Variants in LYPD1 observed in about 807,000 individuals in gnomAD.
The protein encoded by LYPD1 is ly6/PLAUR domain-containing protein 1.
A neutral mutation model predicts 14.2 loss-of-function variants in LYPD1; 14 were observed. That is an observed-to-expected ratio of 0.99 (90% confidence interval 0.65 to 1.54). The LOEUF (loss-of-function observed/expected upper bound fraction) is 1.54. LYPD1 is among the 40% of genes most tolerant of loss of function. The pLI is 0.00. For missense variants in LYPD1, 165 were observed against 175.7 expected, an observed-to-expected ratio of 0.94 and a Z score of 0.34; for synonymous variants, 85 against 70.6, an observed-to-expected ratio of 1.20 and a Z score of -1.02.
chr2:132,648,249 AAG>A (rs1682210960), intron 2 of LYPD1, among the ~76,000 whole-genome samples: 3 of 151,596 alleles, frequency 2.0e-5, no homozygotes, highest in Admixed American at 6.6e-5. Context: ...TTTTTTCTTT[AAG>A]TGAATTTTTA....
chr2:132,649,805 A>C lies in LYPD1; in HGVS notation c.191-3525T>G, dbSNP rs183085289. On this transcript the variant is annotated intron_variant, in intron 2 of 2. Coordinates refer to ENST00000397463, the MANE Select transcript of LYPD1 (RefSeq NM_144586.7). ...ATTCACATGCTTAGGATAAATTCCAAGTAGATCTAAGATTTAAATGTTGGG... is the reference window on the plus strand; with the variant it reads ...ATTCACATGCTTAGGATAAATTCCACGTAGATCTAAGATTTAAATGTTGGG... Among the ~76,000 whole-genome samples, 30 of 152,326 alleles carry C rather than the reference A, an allele frequency of 2.0e-4. No individual in the cohort carries two copies. In the Middle Eastern group the frequency reaches 0.01, roughly 52 times the overall value.
chr2:132,662,737 G>A lies in LYPD1; in HGVS notation c.190+5663C>T, dbSNP rs541428015. Reference sequence around the variant, plus strand: ...ATGGTATGTTTTGTTTTCATACTTCGTTTCATTTTCACTTGGGAAAAATGC... The same window carrying A: ...ATGGTATGTTTTGTTTTCATACTTCATTTCATTTTCACTTGGGAAAAATGC... On this transcript the variant is annotated intron_variant, in intron 2 of 2. Coordinates refer to ENST00000397463, the MANE Select transcript of LYPD1 (RefSeq NM_144586.7). Among the ~76,000 whole-genome samples the A allele has an allele frequency of 7.9e-5, 12 of 152,172 alleles. No homozygotes were observed. The South Asian group carries it at 1.5e-3, about 18-fold the overall frequency.
chr2:132,657,261 G>A (rs1360384244), intron 2 of LYPD1, among the ~76,000 whole-genome samples: 2 of 152,200 alleles, frequency 1.3e-5, no homozygotes, highest in Non-Finnish European at 2.9e-5. Context: ...CTTTCTGAGG[G>A]AGGAAGGTTT....
intron 2 of LYPD1, among the ~76,000 whole-genome samples, chr2:132,653,410 A>G (rs1293225577): frequency 6.6e-6 from 1 of 152,248 alleles, no homozygotes; most frequent in Non-Finnish European, 1.5e-5. Flanking sequence ...CCATCCAATC[A>G]GGTAAATACC....
At chr2:132,660,213 T>C (rs944633608) in intron 2 of LYPD1, among the ~76,000 whole-genome samples, 1 of 152,208 alleles carries the variant, frequency 6.6e-6, no homozygotes, top group Non-Finnish European at 1.5e-5. Flanking sequence ...TTCCTTAAAA[T>C]AATACAACTT....
At chr2:132,656,505 T>A (rs2104910665) in intron 2 of LYPD1, among the ~76,000 whole-genome samples, 1 of 151,936 alleles carries the variant, frequency 6.6e-6, no homozygotes, top group South Asian at 2.1e-4. Context: ...AGAAAAAAGA[T>A]CTTCGATCTG....
intron 2 of LYPD1, among the ~76,000 whole-genome samples, chr2:132,647,155 T>C (rs1682142051): frequency 6.6e-6 from 1 of 152,194 alleles, no homozygotes; most frequent in Admixed American, 6.5e-5. Flanking sequence ...CCTTAGCGTG[T>C]CAGCTTCTTC....
intron 2 of LYPD1, among the ~76,000 whole-genome samples, chr2:132,667,492 G>A (rs564772403): frequency 6.6e-6 from 1 of 152,122 alleles, no homozygotes; most frequent in Non-Finnish European, 1.5e-5. Context: ...TCACTTCACC[G>A]GGCTCTGCAG....
intron 2 of LYPD1, among the ~76,000 whole-genome samples, chr2:132,662,376 A>G (rs915376821): frequency 6.6e-6 from 1 of 152,224 alleles, no homozygotes; most frequent in Non-Finnish European, 1.5e-5. Context: ...AGCCCCTGGG[A>G]TATTAAGTAA....
At chr2:132,659,989 G>A (rs917454635) in intron 2 of LYPD1, among the ~76,000 whole-genome samples, 3 of 152,202 alleles carry the variant, frequency 2.0e-5, no homozygotes, top group Non-Finnish European at 2.9e-5. Flanking sequence ...TCCGTGGAGG[G>A]CATTGCAAAC....
chr2:132,652,345 G>A (rs937025234), intron 2 of LYPD1, among the ~76,000 whole-genome samples: 15 of 152,106 alleles, frequency 9.9e-5, no homozygotes, highest in African/African-American at 3.1e-4. Flanking sequence ...AAGGAAAGGG[G>A]GTTATTTGAA....
chr2:132,645,717 G>T lies in LYPD1; in HGVS notation c.*328C>A. On this transcript the variant is annotated 3_prime_UTR_variant, in exon 3 of 3. Transcript: ENST00000397463. ...CCCATCAGGGATGGAATGGACACTG[G>T]AGGCTTTACAAAAGGCAGATGCCCA... 7.0e-7 allele frequency: 1 copy of T among 1,428,204 alleles called. No homozygotes were observed. The allele number at this position is 1,428,204 out of a possible 1,614,324, so 88.5% of individuals were successfully genotyped here.
chr2:132,664,103 T>G (rs1409653394), intron 2 of LYPD1, among the ~76,000 whole-genome samples: 1 of 152,000 alleles, frequency 6.6e-6, no homozygotes, highest in African/African-American at 2.4e-5. Flanking sequence ...GTGCATGCAC[T>G]CAAAAGAATA....
At chr2:132,650,710 T>C (rs530405282) in intron 2 of LYPD1, among the ~76,000 whole-genome samples, 1 of 117,734 alleles carries the variant, frequency 8.5e-6, no homozygotes, top group African/African-American at 3.6e-5. Context: ...TCCTCCTCCT[T>C]CCTTTAAAAA....
intron 2 of LYPD1, among the ~76,000 whole-genome samples, chr2:132,663,633 CTTTGTT>C (rs1196643433): frequency 1.3e-5 from 2 of 152,150 alleles, no homozygotes; most frequent in Non-Finnish European, 2.9e-5. Flanking sequence ...GAATGTGGAA[CTTTGTT>C]TTTGTTTTGC....
At chr2:132,670,947 T>C (rs942621850), upstream of LYPD1, among the ~76,000 whole-genome samples, 1 of 152,186 alleles carries the variant, frequency 6.6e-6, no homozygotes, top group Non-Finnish European at 1.5e-5. This position sits in a 1 kb window ranked among gnomAD's most constrained non-coding sequence, Gnocchi z 4.5. Context: ...CGGGGACACC[T>C]GCCGTGAGGT....
chr2:132,655,396 A>G (rs1283644150), intron 2 of LYPD1, among the ~76,000 whole-genome samples: 2 of 152,092 alleles, frequency 1.3e-5, no homozygotes, highest in African/African-American at 4.8e-5. Flanking sequence ...TCTGGGTGAG[A>G]AAGAAGGTTG....
chr2:132,655,347 C>T (rs1682524984), intron 2 of LYPD1, among the ~76,000 whole-genome samples: 2 of 152,048 alleles, frequency 1.3e-5, no homozygotes, highest in South Asian at 4.1e-4. Context: ...CAGGCCTCAT[C>T]TGCCTCGTTC....
At chr2:132,659,048 C>G (rs1014140206) in intron 2 of LYPD1, among the ~76,000 whole-genome samples, 1 of 152,106 alleles carries the variant, frequency 6.6e-6, no homozygotes, top group South Asian at 2.1e-4. Context: ...ACTATAAAAC[C>G]AGGGGTGGAT....
Sources: gnomAD v4.1 joint callset for allele counts (sites outside exome capture counted in the v4.1 genomes callset) on GRCh38, gnomAD v4.1.1 for gene constraint, Gnocchi (gnomAD v3.1) non-coding constraint, MANE v1.5 for transcripts, NCBI Gene and HGNC (gene_info 2026-07-23, HGNC 2026-07-21) for gene names.